The following RASGEF1A variants were observed in gnomAD, a reference collection of about 807,000 sequenced individuals.
The protein encoded by RASGEF1A is RasGEF domain family member 1A.
Under a neutral mutation model 56.4 loss-of-function variants are expected in RASGEF1A, and 18 were observed. That is an observed-to-expected ratio of 0.32 (90% CI 0.22 to 0.47). RASGEF1A has a LOEUF of 0.47. RASGEF1A is among the 20% of genes least tolerant of loss of function. RASGEF1A has a pLI of 1.00. For missense variants in RASGEF1A, 422 were observed against 627.1 expected (o/e 0.67, Z 3.49); for synonymous variants, 245 against 242.6 (o/e 1.01, Z -0.09).
intron 1 of RASGEF1A, among the ~76,000 whole-genome samples, chr10:43,242,199 C>A (rs558457775): frequency 3.3e-5 from 5 of 152,014 alleles, no homozygotes; most frequent in Admixed American, 2.6e-4. Flanking sequence ...AAAAAGTAAT[C>A]AAAAGAGAGC....
At chr10:43,235,025 A>C (rs2503845) in intron 1 of RASGEF1A, among the ~76,000 whole-genome samples, 79,378 of 152,116 alleles carry the variant, frequency 0.52, 20,921 homozygotes, top group African/African-American at 0.57. Flanking sequence ...GCTCCAGGGA[A>C]GGTTGTCTGG....
At chr10:43,197,564 T>A (rs1024793574) in intron 10 of RASGEF1A, among the ~76,000 whole-genome samples, 7 of 152,126 alleles carry the variant, frequency 4.6e-5, no homozygotes, top group African/African-American at 1.7e-4. Flanking sequence ...CTGCCACCTA[T>A]GTCCCACCCT....
chr10:43,203,725 A>G, intron 2 of RASGEF1A: 2 of 1,113,870 alleles, frequency 1.8e-6, no homozygotes, highest in Non-Finnish European at 2.2e-6. Context: ...GGCTAACCCC[A>G]GCCTGGGACG....
intron 1 of RASGEF1A, among the ~76,000 whole-genome samples, chr10:43,232,049 G>A (rs2133211563): frequency 6.6e-6 from 1 of 152,368 alleles, no homozygotes; most frequent in Middle Eastern, 3.4e-3. Context: ...GGATGGCAGA[G>A]CCTAGAGCAG....
intron 1 of RASGEF1A, among the ~76,000 whole-genome samples, chr10:43,221,934 C>T (rs1840213789): frequency 6.6e-6 from 1 of 152,250 alleles, no homozygotes; most frequent in East Asian, 1.9e-4. Context: ...CCCTTCCTGT[C>T]CGTGTGGCCC....
chr10:43,266,246 G>A (rs376255130), intron 1 of RASGEF1A, among the ~76,000 whole-genome samples: 2 of 152,322 alleles, frequency 1.3e-5, no homozygotes, highest in African/African-American at 4.8e-5. Flanking sequence ...GGGCCGGCAA[G>A]GCCTGGGGCA....
chr10:43,214,036 G>A (rs960871677), intron 1 of RASGEF1A, among the ~76,000 whole-genome samples: 7 of 152,186 alleles, frequency 4.6e-5, no homozygotes, highest in African/African-American at 1.4e-4. Flanking sequence ...TGCGCTCCTC[G>A]GGAGGGGCAG....
Position 43,259,888 on chromosome 10 carries a change from G to A in RASGEF1A, c.-7+6957C>T, listed in dbSNP as rs971171712. On this transcript the variant is annotated intron_variant, in intron 1 of 12. Coordinates refer to ENST00000395810, the MANE Select transcript of RASGEF1A (RefSeq NM_145313.4). ...CACTCACAAAGGCAGGAAGGGGGAT[G>A]GCCAGCTCAGGAGCTGGACGGAGGG... is the stretch of plus-strand genomic sequence containing the variant. Among the ~76,000 whole-genome samples, 4 of 152,100 alleles carry A rather than the reference G, an allele frequency of 2.6e-5. No individual in the cohort carries two copies. In the East Asian group the frequency reaches 7.7e-4, roughly 29 times the overall value.
chr10:43,207,335 G>A (rs1340662942), intron 1 of RASGEF1A: 8 of 985,824 alleles, frequency 8.1e-6, no homozygotes, highest in Non-Finnish European at 9.6e-6. Flanking sequence ...GTGGGCCTCT[G>A]CCCTGTAGGG....
intron 1 of RASGEF1A, among the ~76,000 whole-genome samples, chr10:43,255,837 C>T (rs375846462): frequency 2.0e-5 from 3 of 152,334 alleles, no homozygotes; most frequent in South Asian, 4.1e-4. Flanking sequence ...TCACCCTTGG[C>T]TTCTCTGGGC....
intron 1 of RASGEF1A, among the ~76,000 whole-genome samples, chr10:43,259,924 G>T (rs984615069): frequency 6.6e-6 from 1 of 152,088 alleles, no homozygotes; most frequent in East Asian, 1.9e-4. Flanking sequence ...GCAGGGCGGG[G>T]ACGGCAGGAA....
intron 6 of RASGEF1A, 75 bp from the exon 7 acceptor site, chr10:43,199,843 G>A: frequency 1.6e-6 from 2 of 1,227,576 alleles, no homozygotes. Flanking sequence ...AGCTGGCCCT[G>A]GTCCCCAGCT....
intron 3 of RASGEF1A, 105 bp downstream of exon 3, chr10:43,203,193 T>C (rs1182272771): frequency 1.4e-6 from 1 of 729,894 alleles, no homozygotes; most frequent in African/African-American, 3.0e-5. Flanking sequence ...CCTGACCCCA[T>C]CCCCCAGCTC....
At chr10:43,245,221 G>C (rs1400971811) in intron 1 of RASGEF1A, among the ~76,000 whole-genome samples, 1 of 152,142 alleles carries the variant, frequency 6.6e-6, no homozygotes, top group African/African-American at 2.4e-5. Flanking sequence ...AATTCCTAGA[G>C]AAACACAAAC....
At chr10:43,207,627 C>T in intron 1 of RASGEF1A, 5 of 985,578 alleles carry the variant, frequency 5.1e-6, no homozygotes, top group Non-Finnish European at 6.0e-6. Flanking sequence ...AGGCTCAGTG[C>T]TGCCCCCACT....
chr10:43,232,336 T>C (rs1840381286), intron 1 of RASGEF1A, among the ~76,000 whole-genome samples: 1 of 152,140 alleles, frequency 6.6e-6, no homozygotes, highest in African/African-American at 2.4e-5. Flanking sequence ...GCTCCTGCCA[T>C]GTGAGACACC....
chr10:43,214,446 G>A (rs548433204), intron 1 of RASGEF1A, among the ~76,000 whole-genome samples: 8 of 152,270 alleles, frequency 5.3e-5, no homozygotes, highest in Admixed American at 3.3e-4. Context: ...CACCCACCCC[G>A]CCCCCCTTCG....
At chr10:43,222,076 G>C (rs1000510850) in intron 1 of RASGEF1A, among the ~76,000 whole-genome samples, 1 of 152,190 alleles carries the variant, frequency 6.6e-6, no homozygotes, top group Non-Finnish European at 1.5e-5. Context: ...TACACACCCA[G>C]GCTCCGTGGT....
chr10:43,225,112 G>T (rs1050621887), intron 1 of RASGEF1A, among the ~76,000 whole-genome samples: 1 of 151,594 alleles, frequency 6.6e-6, no homozygotes. Context: ...GTGTGTGCCT[G>T]CATGTGTCTA....
Sources: gnomAD v4.1 joint callset for allele counts (sites outside exome capture counted in the v4.1 genomes callset) on GRCh38, gnomAD v4.1.1 for gene constraint, MANE v1.5 for transcripts, NCBI Gene and HGNC (gene_info 2026-07-23, HGNC 2026-07-21) for gene names.